Variants in PLA2G15 observed in about 807,000 individuals in gnomAD.
The protein encoded by PLA2G15 is lysosomal phospholipase A and acyltransferase.
In PLA2G15, 20 loss-of-function variants were observed where a neutral mutation model predicts 40.9. The observed-to-expected ratio is 0.49, with a 90% CI of 0.34 to 0.71. The LOEUF is 0.71. Ranked by LOEUF, PLA2G15 falls within the 30% of genes least tolerant of loss-of-function variation. The pLI, the probability that PLA2G15 is intolerant of heterozygous loss-of-function variation, is 0.01. For missense variants in PLA2G15, 471 were observed against 541.9 expected, an observed-to-expected ratio of 0.87 and a Z score of 1.30; for synonymous variants, 223 against 228.2, an observed-to-expected ratio of 0.98 and a Z score of 0.21.
intron 2 of PLA2G15, chr16:68,252,566 G>T: frequency 2.2e-6 from 1 of 455,976 alleles, no homozygotes; most frequent in Non-Finnish European, 4.4e-6. Context: ...GCCCTGAGGC[G>T]GGGTCTGTCC....
chr16:68,254,095 G>A (rs2042379809), intron 2 of PLA2G15, among the ~76,000 whole-genome samples: 1 of 152,108 alleles, frequency 6.6e-6, no homozygotes, highest in African/African-American at 2.4e-5. Context: ...AGCTGAAAGA[G>A]GGTAGACTGC....
At chr16:68,248,536 C>A in intron 1 of PLA2G15, 1 of 187,682 alleles carries the variant, frequency 5.3e-6, no homozygotes, top group Non-Finnish European at 1.2e-5. Flanking sequence ...CAGGTGTGTG[C>A]CACCACACCA....
rs537334129 is a variant in PLA2G15, at chr16:68,252,804, AAAAT to A, written c.285-2107_285-2104del. ...GCACATAGTGTGGCCCTGTCCCTAC[AAAAT>A]AAATAAACAAATAAATAAATAAATT... is the stretch of plus-strand genomic sequence containing the variant. On this transcript the variant is annotated intron_variant, in intron 2 of 5. Transcript: ENST00000219345. 7.9e-3 allele frequency among the ~76,000 whole-genome samples: 1,201 copies of A among 152,168 alleles called. 16 individuals carry two copies. Among genetic ancestry groups the A allele is most frequent in the African/African-American group, 0.027 (1,129 of 41,508 alleles).
chr16:68,255,251 CT>C lies in PLA2G15; in HGVS notation c.404-27del, dbSNP rs3214854. 25 of 1,530,258 alleles carry C rather than the reference CT, an allele frequency of 1.6e-5. No individual in the cohort carries two copies. The East Asian group carries it at 5.2e-4, about 32-fold the overall frequency. 94.8% of individuals were successfully genotyped at this position (1,530,258 alleles called of 1,614,324 possible). On this transcript the variant is annotated intron_variant, in intron 3 of 5. Coordinates refer to ENST00000219345, the MANE Select transcript of PLA2G15 (RefSeq NM_012320.4). The surrounding 1 kb of genome is among the most constrained non-coding windows in gnomAD (Gnocchi z 5.9). Reference sequence around the variant, plus strand: ...TGTAGGTGGCCGGCACTAGCTGTATCTTTTCTTATCCTCTGTATTTCTGTCT... The same window carrying C: ...TGTAGGTGGCCGGCACTAGCTGTATCTTTCTTATCCTCTGTATTTCTGTCT...
chr16:68,251,974 T>C (rs919067826), intron 2 of PLA2G15, among the ~76,000 whole-genome samples: 8 of 152,240 alleles, frequency 5.3e-5, no homozygotes, highest in African/African-American at 1.9e-4. Flanking sequence ...CTCTGTGTGT[T>C]GTGTGACTGG....
chr16:68,255,210 T>C lies in PLA2G15; in HGVS notation c.404-72T>C. On this transcript the variant is annotated intron_variant, in intron 3 of 5. Transcript: ENST00000219345. This position sits in a 1 kb window ranked among gnomAD's most constrained non-coding sequence, Gnocchi z 5.9. Reference sequence around the variant, plus strand: ...CAAGGACCTGCTAGCTGTCACAGTCTCCATGCTGGGCATAGTGTAGGTGGC... The same window carrying C: ...CAAGGACCTGCTAGCTGTCACAGTCCCCATGCTGGGCATAGTGTAGGTGGC... 1 of 1,169,710 alleles carries C rather than the reference T, an allele frequency of 8.5e-7. No homozygotes were observed. The highest frequency in any genetic ancestry group is 1.3e-6 in the Non-Finnish European group (1 of 781,224). 72.5% of individuals were successfully genotyped at this position (1,169,710 alleles called of 1,614,324 possible).
intron 2 of PLA2G15, chr16:68,253,348 A>C (rs1349857560): frequency 2.5e-6 from 1 of 405,020 alleles, no homozygotes; most frequent in African/African-American, 2.1e-5. Flanking sequence ...GCCCTGAGGC[A>C]TGGTGCCTTT....
In PLA2G15 at chr16:68,260,741, G is replaced by A. The variant is rs376087535; in HGVS notation, c.*1084G>A. 55 of 152,366 alleles carry A rather than the reference G, an allele frequency of 3.6e-4. No homozygotes were observed. Among genetic ancestry groups the A allele is most frequent in the African/African-American group, 1.2e-3 (48 of 41,578 alleles). 9.4% of individuals were successfully genotyped at this position (152,366 alleles called of 1,614,324 possible). On this transcript the variant is annotated 3_prime_UTR_variant, in exon 6 of 6. Coordinates refer to ENST00000219345, the MANE Select transcript of PLA2G15 (RefSeq NM_012320.4). ...GGGGTCCCCTGAGGCCCCCCTAGGG[G>A]CTTTCTGTCTGCCCCAGGGTGCTCC...
Position 68,259,696 on chromosome 16 carries a change from C to A in PLA2G15, c.*39C>A. The A allele has an allele frequency of 6.3e-7, 1 of 1,585,376 alleles. No individual in the cohort carries two copies. Among genetic ancestry groups the A allele is most frequent in the South Asian group, 1.1e-5 (1 of 88,076 alleles). On this transcript the variant is annotated 3_prime_UTR_variant, in exon 6 of 6. Transcript: ENST00000219345. This position sits in a 1 kb window ranked among gnomAD's most constrained non-coding sequence, Gnocchi z 6.5. ...GGACTCCTGTGGCTCGGCCGTGGAC[C>A]TGCTGTTGGCCTCTGGGGCTGTCAT...
Position 68,259,423 on chromosome 16 carries a change from C to A in PLA2G15, c.1005C>A (p.Gly335=). Residue 335 remains glycine, a synonymous_variant, in exon 6 of 6, where the codon GGC becomes GGA. Transcript: ENST00000219345. The surrounding 1 kb of genome is among the most constrained non-coding windows in gnomAD (Gnocchi z 6.5). ...AGCTGCACTGCCTCTATGGTACTGG[C>A]GTCCCCACACCAGACTCCTTCTACT... The part of the protein sequence containing the change: ...GVQLHCLYGT[G]VPTPDSFYYE... The A allele has an allele frequency of 1.2e-6, 2 of 1,613,926 alleles. No individual in the cohort carries two copies. Among genetic ancestry groups the A allele is most frequent in the South Asian group, 2.2e-5 (2 of 91,092 alleles).
intron 1 of PLA2G15, among the ~76,000 whole-genome samples, chr16:68,247,158 A>G (rs1012160898): frequency 4.0e-5 from 6 of 151,510 alleles, no homozygotes; most frequent in Admixed American, 6.6e-5. Flanking sequence ...GCCCTGGGAG[A>G]CCTCACGGTG....
Position 68,255,410 on chromosome 16 carries a change from CG to C in PLA2G15, c.502+31del, listed in dbSNP as rs1199295194. 19 of 1,491,146 alleles carry C rather than the reference CG, an allele frequency of 1.3e-5. No individual in the cohort carries two copies. Among genetic ancestry groups the C allele is most frequent in the Non-Finnish European group, 1.7e-5 (18 of 1,078,316 alleles). The allele number at this position is 1,491,146 out of a possible 1,614,324, so 92.4% of individuals were successfully genotyped here. A position where few individuals can be genotyped will look rare whatever the true frequency, so the allele number is the denominator to read the frequency against. On this transcript the variant is annotated intron_variant, in intron 4 of 5. Coordinates refer to ENST00000219345, the MANE Select transcript of PLA2G15 (RefSeq NM_012320.4). This position sits in a 1 kb window ranked among gnomAD's most constrained non-coding sequence, Gnocchi z 5.9. ...GCAGGCACTCTCATTCCCTCCCTGACGTCTCGGGAGGTAGGGGTGAGGTGAT... is the reference window on the plus strand; with the variant it reads ...GCAGGCACTCTCATTCCCTCCCTGACTCTCGGGAGGTAGGGGTGAGGTGAT...
At chr16:68,247,460 G>C (rs2042318882) in intron 1 of PLA2G15, among the ~76,000 whole-genome samples, 1 of 152,176 alleles carries the variant, frequency 6.6e-6, no homozygotes, top group African/African-American at 2.4e-5. Context: ...GCGCAGATGG[G>C]CTCAGGAAGT....
chr16:68,257,010 A>C (rs1242874350), intron 5 of PLA2G15, among the ~76,000 whole-genome samples: 1 of 151,578 alleles, frequency 6.6e-6, no homozygotes, highest in African/African-American at 2.4e-5. Context: ...CCTCCCGGGT[A>C]ACTGGGACTA....
In PLA2G15 at chr16:68,245,382, G is replaced by C. The variant is rs750689095; in HGVS notation, c.-45G>C. 4.4e-6 allele frequency: 7 copies of C among 1,591,622 alleles called. No homozygotes were observed. In the South Asian group the frequency reaches 7.7e-5, roughly 18 times the overall value. On this transcript the variant is annotated 5_prime_UTR_variant, in exon 1 of 6. Transcript: ENST00000219345. Reference sequence around the variant, plus strand: ...CCGCCCCCGCCTAGGCGAGAGCCCAGAGAGCTGAACCTGCATCCCGGACCT... The same window carrying C: ...CCGCCCCCGCCTAGGCGAGAGCCCACAGAGCTGAACCTGCATCCCGGACCT...
Position 68,255,169 on chromosome 16 carries a change from C to T in PLA2G15, c.404-113C>T, listed in dbSNP as rs1049704180. On this transcript the variant is annotated intron_variant, in intron 3 of 5. Transcript: ENST00000219345. This position sits in a 1 kb window ranked among gnomAD's most constrained non-coding sequence, Gnocchi z 5.9. ...GTCTCTGATCAGCGTGGGCACAGAG[C>T]CCTGTAGCATTCTTCCAAGGACCTG... is the stretch of plus-strand genomic sequence containing the variant. 6.1e-6 allele frequency: 6 copies of T among 985,190 alleles called. No individual in the cohort carries two copies. In the African/African-American group the frequency reaches 8.0e-5, roughly 13 times the overall value. The allele number at this position is 985,190 out of a possible 1,614,324, so 61.0% of individuals were successfully genotyped here.
In PLA2G15 at chr16:68,245,385, A is replaced by G; in HGVS notation, c.-42A>G. 5 of 1,595,130 alleles carry G rather than the reference A, an allele frequency of 3.1e-6. No homozygotes were observed. The highest frequency in any genetic ancestry group is 3.4e-6 in the Non-Finnish European group (4 of 1,176,130). ...CCCCCGCCTAGGCGAGAGCCCAGAG[A>G]GCTGAACCTGCATCCCGGACCTGCG... On this transcript the variant is annotated 5_prime_UTR_variant, in exon 1 of 6. Coordinates refer to ENST00000219345, the MANE Select transcript of PLA2G15 (RefSeq NM_012320.4).
chr16:68,258,790 A>T, intron 5 of PLA2G15: 1 of 220,360 alleles, frequency 4.5e-6, no homozygotes, highest in Non-Finnish European at 9.0e-6. Flanking sequence ...TTCAAAAAAA[A>T]AAAAAAGGAA....
In PLA2G15 at chr16:68,255,649, G is replaced by A. The variant is rs1160951944; in HGVS notation, c.503-117G>A. The A allele has an allele frequency of 1.1e-5, 9 of 850,616 alleles. No individual in the cohort carries two copies. Among genetic ancestry groups the A allele is most frequent in the Non-Finnish European group, 1.7e-5 (9 of 515,738 alleles). The allele number at this position is 850,616 out of a possible 1,614,324, so 52.7% of individuals were successfully genotyped here. On this transcript the variant is annotated intron_variant, in intron 4 of 5. Coordinates refer to ENST00000219345, the MANE Select transcript of PLA2G15 (RefSeq NM_012320.4). This position sits in a 1 kb window ranked among gnomAD's most constrained non-coding sequence, Gnocchi z 5.9. Reference sequence around the variant, plus strand: ...AAGGCGGGGGGACCCAGACCGCTCTGTTTGAATGTGAGCACCCTCCCCTCC... The same window carrying A: ...AAGGCGGGGGGACCCAGACCGCTCTATTTGAATGTGAGCACCCTCCCCTCC...
Sources: allele counts gnomAD v4.1 joint callset (sites outside exome capture counted in the v4.1 genomes callset), GRCh38; gene constraint gnomAD v4.1.1; non-coding constraint Gnocchi (gnomAD v3.1); transcripts MANE v1.5; gene names NCBI Gene and HGNC (gene_info 2026-07-23, HGNC 2026-07-21).